Variants in ACOXL observed in about 807,000 individuals in gnomAD.
ACOXL encodes the protein acyl-coenzyme A oxidase-like protein.
In ACOXL, 70 loss-of-function variants were observed where a neutral mutation model predicts 71.9. The ratio of observed to expected loss-of-function variants is 0.97; its 90% confidence interval spans 0.80 to 1.19. The LOEUF (loss-of-function observed/expected upper bound fraction) is 1.19, where lower values mean the gene tolerates loss of function less well. ACOXL is among the 50% of genes most tolerant of loss of function. The probability of loss-of-function intolerance (pLI) is 0.00; values close to 1 mark genes in which losing one functional copy is unlikely to be tolerated. For synonymous variants in ACOXL, 253 were observed against 281.6 expected (o/e 0.90, Z 1.02); for missense variants, 703 against 736.3 (o/e 0.95, Z 0.52).
At chr2:110,902,751 G>A (rs2059290249) in intron 10 of ACOXL, among the ~76,000 whole-genome samples, 1 of 152,208 alleles carries the variant, frequency 6.6e-6, no homozygotes. Context: ...TTTGCCCTCT[G>A]AGTTTGTATG....
chr2:110,894,873 A>G (rs2058945134), intron 10 of ACOXL, among the ~76,000 whole-genome samples: 1 of 152,168 alleles, frequency 6.6e-6, no homozygotes, highest in Non-Finnish European at 1.5e-5. Flanking sequence ...AATAGAGAAC[A>G]AGTGGGGAAC....
intron 3 of ACOXL, among the ~76,000 whole-genome samples, chr2:110,787,407 G>C (rs1390915030): frequency 6.6e-6 from 1 of 151,642 alleles, no homozygotes; most frequent in African/African-American, 2.4e-5. Flanking sequence ...GGTGGCAGAC[G>C]CCTGTAGTCC....
intron 16 of ACOXL, among the ~76,000 whole-genome samples, chr2:111,079,031 G>A (rs534132090): frequency 1.3e-5 from 2 of 152,256 alleles, no homozygotes; most frequent in South Asian, 4.1e-4. Flanking sequence ...CTGTTTACTA[G>A]TTCAGTTATC....
chr2:110,956,096 C>T lies in ACOXL; in HGVS notation c.1059+22454C>T, dbSNP rs138737976. ...GATTACAGGCAAGTGCTACTACGTC[C>T]GGCTAATTTTGTATTTTTAGTAGAG... is the stretch of plus-strand genomic sequence containing the variant. On this transcript the variant is annotated intron_variant, in intron 12 of 17. Coordinates refer to ENST00000439055, the MANE Select transcript of ACOXL (RefSeq NM_001142807.4). Among the ~76,000 whole-genome samples, 576 of 152,088 alleles carry T rather than the reference C, an allele frequency of 3.8e-3. 4 individuals are homozygous for T. The highest frequency in any genetic ancestry group is 0.013 in the African/African-American group (541 of 41,476).
At chr2:110,839,103 G>A (rs1206238529) in intron 9 of ACOXL, among the ~76,000 whole-genome samples, 1 of 151,650 alleles carries the variant, frequency 6.6e-6, no homozygotes, top group Non-Finnish European at 1.5e-5. Context: ...CCTTTAACCA[G>A]CACAGCTGTC....
At chr2:110,979,677 G>C (rs2062617384) in intron 12 of ACOXL, among the ~76,000 whole-genome samples, 1 of 152,070 alleles carries the variant, frequency 6.6e-6, no homozygotes, top group Non-Finnish European at 1.5e-5. Flanking sequence ...ATGTGCATGG[G>C]ACCCTTGGAC....
Position 110,793,700 on chromosome 2 carries a change from C to G in ACOXL, c.210C>G (p.Ser70Arg). The change falls in exon 4 of 18, where the codon AGC (serine) becomes AGG (arginine). Residue 70 changes from serine (S) to arginine (R), a missense_variant. Ser to Arg is a moderately radical substitution (Grantham distance 110, BLOSUM62 -1). Coordinates refer to ENST00000439055, the MANE Select transcript of ACOXL (RefSeq NM_001142807.4). ...GTGGTGCTATCAGGAATCTCGGAAGCCCTGAACATGTTACTAAGTGGTTTC... is the reference window on the plus strand; with the variant it reads ...GTGGTGCTATCAGGAATCTCGGAAGGCCTGAACATGTTACTAAGTGGTTTC... ...LFGGAIRNLG[S>R]PEHVTKWFQP... 6.2e-7 allele frequency: 1 copy of G among 1,614,088 alleles called. No individual in the cohort carries two copies. The highest frequency in any genetic ancestry group is 8.5e-7 in the Non-Finnish European group (1 of 1,180,010).
intron 12 of ACOXL, among the ~76,000 whole-genome samples, chr2:110,975,658 C>T (rs2062412196): frequency 6.6e-6 from 1 of 152,002 alleles, no homozygotes; most frequent in Non-Finnish European, 1.5e-5. Context: ...CAACAACAGG[C>T]ACTGGAGGAA....
intron 13 of ACOXL, among the ~76,000 whole-genome samples, chr2:110,989,537 T>C (rs2063082422): frequency 6.6e-6 from 1 of 152,240 alleles, no homozygotes; most frequent in Non-Finnish European, 1.5e-5. Flanking sequence ...ATTGTAGGAT[T>C]GTACTTACAT....
At chr2:110,957,241 G>C (rs762205983) in intron 12 of ACOXL, among the ~76,000 whole-genome samples, 4 of 151,296 alleles carry the variant, frequency 2.6e-5, no homozygotes, top group African/African-American at 4.9e-5. Context: ...GTAGAAAGGA[G>C]AACAATTTCA....
At chr2:110,966,227 G>C (rs2061921791) in intron 12 of ACOXL, among the ~76,000 whole-genome samples, 1 of 152,130 alleles carries the variant, frequency 6.6e-6, no homozygotes, top group South Asian at 2.1e-4. Flanking sequence ...TTCCCCACCA[G>C]AGTAGTGTCA....
At chr2:110,848,379 A>C (rs925963162) in intron 10 of ACOXL, among the ~76,000 whole-genome samples, 1 of 152,234 alleles carries the variant, frequency 6.6e-6, no homozygotes, top group Non-Finnish European at 1.5e-5. Context: ...CCCCAATGGT[A>C]TAATCTTAAA....
At chr2:110,803,283 A>G (rs1050246265) in intron 8 of ACOXL, among the ~76,000 whole-genome samples, 5 of 152,258 alleles carry the variant, frequency 3.3e-5, no homozygotes, top group African/African-American at 1.2e-4. Flanking sequence ...AACTTACTAC[A>G]AAGTAATCAA....
Position 110,759,707 on chromosome 2 carries a change from G to A in ACOXL, c.-22-8661G>A, listed in dbSNP as rs1680143703. On this transcript the variant is annotated intron_variant, in intron 1 of 17. Coordinates refer to ENST00000439055, the MANE Select transcript of ACOXL (RefSeq NM_001142807.4). ...AGAGTTTTCCTGACTATTTTTGTTT[G>A]TTTCTTTTTATATTTGAATTTTAAA... Among the ~76,000 whole-genome samples, 3 of 151,856 alleles carry A rather than the reference G, an allele frequency of 2.0e-5. No homozygotes were observed. In the South Asian group the frequency reaches 6.2e-4, roughly 32 times the overall value.
intron 14 of ACOXL, among the ~76,000 whole-genome samples, chr2:111,025,220 C>T (rs1424424294): frequency 6.6e-6 from 1 of 152,132 alleles, no homozygotes; most frequent in Admixed American, 6.5e-5. Flanking sequence ...AATTTGTTTA[C>T]CCATTAAGCA....
chr2:110,869,459 C>G (rs538805415), intron 10 of ACOXL, among the ~76,000 whole-genome samples: 2 of 152,316 alleles, frequency 1.3e-5, no homozygotes, highest in African/African-American at 4.8e-5. Context: ...TTTGGAGGCT[C>G]ACTGGCCACA....
At chr2:110,924,109 TAA>T (rs1379235548) in intron 11 of ACOXL, among the ~76,000 whole-genome samples, 1 of 152,204 alleles carries the variant, frequency 6.6e-6, no homozygotes, top group Non-Finnish European at 1.5e-5. Flanking sequence ...TACAGCCTAT[TAA>T]GTGTGCAACA....
At chr2:111,007,765 C>T (rs10174288) in intron 14 of ACOXL, among the ~76,000 whole-genome samples, 4,494 of 152,216 alleles carry the variant, frequency 0.03, 224 homozygotes, top group African/African-American at 0.1. Context: ...TAGGCCTACC[C>T]AAAGCTATGA....
intron 7 of ACOXL, among the ~76,000 whole-genome samples, chr2:110,800,049 C>A (rs886574705): frequency 2.6e-5 from 4 of 152,174 alleles, no homozygotes; most frequent in African/African-American, 9.7e-5. Context: ...TGGGAGGGGA[C>A]AAATAAGCAA....
Sources: gnomAD v4.1 joint callset for allele counts (sites outside exome capture counted in the v4.1 genomes callset) on GRCh38, gnomAD v4.1.1 for gene constraint, MANE v1.5 for transcripts, NCBI Gene and HGNC (gene_info 2026-07-23, HGNC 2026-07-21) for gene names.